The following STXBP5L variants were observed in gnomAD, a reference collection of about 807,000 sequenced individuals.
STXBP5L encodes the protein syntaxin binding protein 5L.
A neutral mutation model predicts 144.5 loss-of-function variants in STXBP5L; 65 were observed. That is an observed-to-expected ratio of 0.45 (90% CI 0.37 to 0.55). The LOEUF is 0.55. Ranked by LOEUF, STXBP5L falls within the 20% of genes least tolerant of loss-of-function variation. STXBP5L has a pLI of 0.00. For synonymous variants in STXBP5L, 505 were observed against 469.6 expected (o/e 1.08, Z -0.97); for missense variants, 1,298 against 1,405.5 (o/e 0.92, Z 1.22).
chr3:121,048,227 G>A (rs994415542), intron 5 of STXBP5L, among the ~76,000 whole-genome samples: 45 of 152,084 alleles, frequency 3.0e-4, no homozygotes, highest in African/African-American at 1.0e-3. Context: ...CTGTTAGCCT[G>A]ATGGGGTTTC....
At chr3:121,121,856 A>T in intron 7 of STXBP5L, 152 bp downstream of exon 7, 2 of 468,692 alleles carry the variant, frequency 4.3e-6, no homozygotes, top group East Asian at 6.3e-5. Context: ...GAATGAGTAA[A>T]TGAATGAATG....
intron 3 of STXBP5L, among the ~76,000 whole-genome samples, chr3:120,982,634 C>T (rs961661053): frequency 6.6e-6 from 1 of 152,210 alleles, no homozygotes; most frequent in Non-Finnish European, 1.5e-5. Flanking sequence ...CCTCTTATCT[C>T]AGCTTTGTGG....
chr3:121,332,041 A>G (rs538306950), intron 20 of STXBP5L, among the ~76,000 whole-genome samples: 2 of 151,716 alleles, frequency 1.3e-5, no homozygotes, highest in South Asian at 4.2e-4. Flanking sequence ...CAAAAACTGT[A>G]ATCATTAAAG....
chr3:121,103,683 G>A (rs1437008565), intron 5 of STXBP5L, among the ~76,000 whole-genome samples: 3 of 151,946 alleles, frequency 2.0e-5, no homozygotes, highest in Non-Finnish European at 2.9e-5. Flanking sequence ...AAACATATAT[G>A]AATATATAAA....
chr3:121,372,641 C>T (rs2046067342), intron 20 of STXBP5L, among the ~76,000 whole-genome samples: 1 of 152,062 alleles, frequency 6.6e-6, no homozygotes, highest in African/African-American at 2.4e-5. Context: ...TCCCAGCTTT[C>T]TTCTCCTTTA....
intron 22 of STXBP5L, among the ~76,000 whole-genome samples, chr3:121,383,668 G>C (rs889176151): frequency 2.6e-5 from 4 of 152,054 alleles, no homozygotes; most frequent in Admixed American, 1.3e-4. Context: ...ATAATTTATG[G>C]CAGTAAAAAG....
chr3:121,152,318 T>C (rs951414747), intron 7 of STXBP5L, among the ~76,000 whole-genome samples, 159 bp from the exon 8 acceptor site: 1 of 152,098 alleles, frequency 6.6e-6, no homozygotes, highest in Admixed American at 6.6e-5. Context: ...GAGTTTGCCA[T>C]TTTTTAAATG....
intron 5 of STXBP5L, among the ~76,000 whole-genome samples, chr3:121,106,934 T>A (rs1359016447): frequency 6.6e-6 from 1 of 152,242 alleles, no homozygotes; most frequent in East Asian, 1.9e-4. Context: ...ATGATCACCA[T>A]TCTGACTGAA....
chr3:121,188,883 CT>C (rs1292539151), intron 9 of STXBP5L, among the ~76,000 whole-genome samples: 1 of 152,184 alleles, frequency 6.6e-6, no homozygotes, highest in Admixed American at 6.6e-5. Flanking sequence ...GAAGCATTCC[CT>C]TTGAAAACTG....
At chr3:120,987,612 C>T (rs993641161) in intron 3 of STXBP5L, among the ~76,000 whole-genome samples, 2 of 151,808 alleles carry the variant, frequency 1.3e-5, no homozygotes, top group African/African-American at 2.4e-5. Flanking sequence ...CAGAGGACGG[C>T]TTATCAGTTT....
At chr3:120,993,970 C>A (rs1418147392) in intron 3 of STXBP5L, among the ~76,000 whole-genome samples, 1 of 151,954 alleles carries the variant, frequency 6.6e-6, no homozygotes, top group Non-Finnish European at 1.5e-5. Context: ...TCTTAAATTT[C>A]TTTCATCAGT....
chr3:121,032,274 G>T (rs1946424587), intron 3 of STXBP5L, among the ~76,000 whole-genome samples: 1 of 151,198 alleles, frequency 6.6e-6, no homozygotes, highest in South Asian at 2.1e-4. Flanking sequence ...AAATTGGAGA[G>T]TCTTGTTATT....
intron 19 of STXBP5L, among the ~76,000 whole-genome samples, chr3:121,288,202 G>C (rs1172004312): frequency 6.6e-6 from 1 of 152,310 alleles, no homozygotes; most frequent in Middle Eastern, 3.4e-3. Flanking sequence ...GTGTTCCATG[G>C]TGTACATGTA....
chr3:120,973,689 C>T (rs892825985), intron 3 of STXBP5L, among the ~76,000 whole-genome samples: 1 of 151,780 alleles, frequency 6.6e-6, no homozygotes, highest in African/African-American at 2.4e-5. Flanking sequence ...GCTATCCCTC[C>T]CCCATCCCCC....
intron 5 of STXBP5L, among the ~76,000 whole-genome samples, chr3:121,073,232 C>G (rs951063183): frequency 6.6e-6 from 1 of 152,168 alleles, no homozygotes; most frequent in Non-Finnish European, 1.5e-5. Flanking sequence ...CGTGCTCCAC[C>G]CATTCTGTTG....
At chr3:121,177,367 G>A (rs1033180246) in intron 9 of STXBP5L, among the ~76,000 whole-genome samples, 1 of 152,022 alleles carries the variant, frequency 6.6e-6, no homozygotes, top group Non-Finnish European at 1.5e-5. Flanking sequence ...ATCTCATAAA[G>A]GGTGAATATC....
chr3:121,287,081 C>G (rs2108454485), intron 19 of STXBP5L, among the ~76,000 whole-genome samples: 1 of 152,214 alleles, frequency 6.6e-6, no homozygotes, highest in East Asian at 1.9e-4. Flanking sequence ...TGCAGCTATC[C>G]AGGAACAGGT....
intron 5 of STXBP5L, among the ~76,000 whole-genome samples, chr3:121,055,185 T>A (rs960632281): frequency 6.6e-6 from 1 of 151,570 alleles, no homozygotes; most frequent in African/African-American, 2.4e-5. Flanking sequence ...TCATGTAACA[T>A]GAGAATATTC....
rs1297321679 is a variant in STXBP5L, at chr3:121,052,847, C to G, written c.470+7312C>G. The stretch of plus-strand genomic sequence containing the variant: ...GACATGATTGTGTATCTAGAAAACC[C>G]CATTGTCTCAGCCCAAAATCTCCTT... On this transcript the variant is annotated intron_variant, in intron 5 of 26. Transcript: ENST00000471454. Among the ~76,000 whole-genome samples the G allele has an allele frequency of 3.9e-5, 6 of 152,196 alleles. No homozygotes were observed. In the South Asian group the frequency reaches 6.2e-4, roughly 16 times the overall value.
Sources: allele counts gnomAD v4.1 joint callset (sites outside exome capture counted in the v4.1 genomes callset), GRCh38; gene constraint gnomAD v4.1.1; transcripts MANE v1.5; gene names NCBI Gene and HGNC (gene_info 2026-07-23, HGNC 2026-07-21).